Variants in PCDH11X observed in about 807,000 individuals in gnomAD.
PCDH11X encodes the protein protocadherin 11 X-linked.
In PCDH11X, 18 loss-of-function variants were observed where a neutral mutation model predicts 53.3. The ratio of observed to expected loss-of-function variants is 0.34; its 90% confidence interval spans 0.23 to 0.50. The LOEUF (loss-of-function observed/expected upper bound fraction) is 0.50. Ranked by LOEUF, PCDH11X falls within the 20% of genes least tolerant of loss-of-function variation. PCDH11X has a pLI of 0.98. For synonymous variants in PCDH11X, 279 were observed against 393.3 expected, an observed-to-expected ratio of 0.71 and a Z score of 3.44; for missense variants, 570 against 1,032.4, an observed-to-expected ratio of 0.55 and a Z score of 6.14.
chrX:92,411,954 GGAGGA>G (rs2071672227), intron 9 of PCDH11X, among the ~76,000 whole-genome samples: 6 of 11,725 alleles, frequency 5.1e-4, no homozygotes, highest in Admixed American at 1.6e-3. Flanking sequence ...AGGAGGAGTG[GGAGGA>G]GGAGGAGGAG....
chrX:92,520,252 C>T (rs1339375950), intron 10 of PCDH11X, among the ~76,000 whole-genome samples: 1 of 107,833 alleles, frequency 9.3e-6, no homozygotes, highest in Non-Finnish European at 1.9e-5. Flanking sequence ...TTTCCCAATG[C>T]ATATAAAAAT....
At chrX:92,092,818 A>T (rs938032268) in intron 6 of PCDH11X, among the ~76,000 whole-genome samples, 1 of 111,198 alleles carries the variant, frequency 9.0e-6, no homozygotes, top group African/African-American at 3.3e-5. Flanking sequence ...TGTGGTTTGG[A>T]TCTGTGTCCT....
intron 6 of PCDH11X, among the ~76,000 whole-genome samples, chrX:92,084,681 G>A (rs1283801378): frequency 2.7e-5 from 3 of 111,518 alleles, no homozygotes; most frequent in Non-Finnish European, 5.6e-5. Flanking sequence ...CTCGCATGTA[G>A]TACTTGCTCC....
chrX:92,237,006 CTG>C (rs1279399453), intron 7 of PCDH11X, among the ~76,000 whole-genome samples: 1 of 109,210 alleles, frequency 9.2e-6, no homozygotes, highest in Non-Finnish European at 1.9e-5. Flanking sequence ...AACTTAGAAA[CTG>C]TGATTTTCAA....
intron 8 of PCDH11X, among the ~76,000 whole-genome samples, chrX:92,375,438 A>G (rs1157631773): frequency 9.9e-6 from 1 of 100,665 alleles, no homozygotes; most frequent in Non-Finnish European, 2.0e-5. Context: ...TCGGCCTCCC[A>G]AAGTGCTGGG....
chrX:91,924,926 A>G (rs2524640), intron 6 of PCDH11X, among the ~76,000 whole-genome samples: 3 of 110,287 alleles, frequency 2.7e-5, no homozygotes, highest in African/African-American at 6.6e-5. Context: ...TTAGTATCCA[A>G]TTTTCACGGA....
chrX:92,275,290 T>G (rs1311491175), intron 8 of PCDH11X, among the ~76,000 whole-genome samples: 1 of 103,342 alleles, frequency 9.7e-6, no homozygotes. Flanking sequence ...GTTGTTCTTT[T>G]GTAAGGGATT....
At chrX:92,210,645 C>G (rs765798849) in intron 7 of PCDH11X, among the ~76,000 whole-genome samples, 6 of 111,805 alleles carry the variant, frequency 5.4e-5, no homozygotes, top group African/African-American at 1.9e-4. Context: ...CAGGTCATTT[C>G]TTTGTTTATG....
intron 7 of PCDH11X, among the ~76,000 whole-genome samples, chrX:92,221,782 C>T (rs981521895): frequency 1.8e-5 from 2 of 111,149 alleles, no homozygotes; most frequent in Non-Finnish European, 3.8e-5. Context: ...TACTGTATGA[C>T]CATTAGATTA....
chrX:92,200,709 A>G (rs977765565), intron 6 of PCDH11X, among the ~76,000 whole-genome samples: 3 of 111,490 alleles, frequency 2.7e-5, no homozygotes, highest in Non-Finnish European at 5.6e-5. Flanking sequence ...TCTATTAAAT[A>G]TCTTTGTATG....
intron 9 of PCDH11X, among the ~76,000 whole-genome samples, chrX:92,394,909 C>G (rs1008387426): frequency 1.8e-5 from 2 of 111,632 alleles, no homozygotes; most frequent in African/African-American, 6.5e-5. Context: ...CATTCAACAA[C>G]TGGTGAATAT....
intron 10 of PCDH11X, among the ~76,000 whole-genome samples, chrX:92,598,987 A>G (rs1315454548): frequency 9.0e-6 from 1 of 110,657 alleles, no homozygotes; most frequent in Non-Finnish European, 1.9e-5. Flanking sequence ...TAAAAATTAA[A>G]ACAATTGAAC....
chrX:91,819,503 T>C (rs80078017), intron 4 of PCDH11X, among the ~76,000 whole-genome samples: 34,718 of 108,369 alleles, frequency 0.32, 4,850 homozygotes, highest in African/African-American at 0.51. Flanking sequence ...AAATAATGAA[T>C]ACTCCAAGTT....
intron 7 of PCDH11X, among the ~76,000 whole-genome samples, chrX:92,204,121 C>T (rs773793059): frequency 3.6e-5 from 4 of 111,614 alleles, no homozygotes; most frequent in Non-Finnish European, 7.5e-5. Context: ...ATTTTTCCCT[C>T]CTAGGTCTTG....
chrX:91,914,569 T>G (rs757489852), intron 6 of PCDH11X, among the ~76,000 whole-genome samples: 53 of 111,186 alleles, frequency 4.8e-4, no homozygotes, highest in African/African-American at 1.6e-3. Flanking sequence ...AATTACAACT[T>G]CTGGAAATGA....
intron 10 of PCDH11X, among the ~76,000 whole-genome samples, chrX:92,571,461 G>A (rs1922204562): frequency 9.1e-6 from 1 of 109,834 alleles, no homozygotes; most frequent in Non-Finnish European, 1.9e-5. Context: ...ATGAATTGGT[G>A]AAAAAATATG....
intron 7 of PCDH11X, among the ~76,000 whole-genome samples, chrX:92,242,198 G>A (rs148050158): frequency 9.1e-6 from 1 of 110,265 alleles, no homozygotes; most frequent in Non-Finnish European, 1.9e-5. Flanking sequence ...TTCTTTATGC[G>A]TAACCTCTGA....
chrX:92,092,861 A>G (rs34988195), intron 6 of PCDH11X, among the ~76,000 whole-genome samples: 6 of 111,178 alleles, frequency 5.4e-5, no homozygotes, highest in South Asian at 3.8e-4. Flanking sequence ...GTAATCCCCA[A>G]TGTTGGAGGT....
chrX:92,446,659 C>T (rs1253361865), intron 9 of PCDH11X, among the ~76,000 whole-genome samples: 4 of 111,734 alleles, frequency 3.6e-5, no homozygotes, highest in African/African-American at 1.3e-4. Context: ...GTATAAATTA[C>T]CCAGTCTCAG....
Sources: allele counts gnomAD v4.1 joint callset (sites outside exome capture counted in the v4.1 genomes callset), GRCh38; gene constraint gnomAD v4.1.1; transcripts MANE v1.5; gene names NCBI Gene and HGNC (gene_info 2026-07-23, HGNC 2026-07-21).